SP3: variants seen among roughly 807,000 people sequenced by gnomAD.
The protein encoded by SP3 is Sp3 transcription factor.
In SP3, 10 loss-of-function variants were observed where a neutral mutation model predicts 70.3. The observed-to-expected ratio is 0.14, with a 90% CI of 0.09 to 0.24. SP3 has a LOEUF of 0.24. Ranked by LOEUF, SP3 falls within the 10% of genes least tolerant of loss-of-function variation. The probability of loss-of-function intolerance (pLI) is 1.00; values close to 1 mark genes in which losing one functional copy is unlikely to be tolerated. For synonymous variants in SP3, 402 were observed against 333.5 expected, an observed-to-expected ratio of 1.21 and a Z score of -2.24; for missense variants, 825 against 914.6, an observed-to-expected ratio of 0.90 and a Z score of 1.26.
rs1260156725 is a variant in SP3, at chr2:173,912,635, T to G, written c.2029+435A>C. The stretch of plus-strand genomic sequence containing the variant: ...TTGGTTATTCCTCAGTGAAATACCT[T>G]TCCCTTACCTCAGAGATACTAAAAA... On this transcript the variant is annotated intron_variant, in intron 6 of 6. Coordinates refer to ENST00000310015, the MANE Select transcript of SP3 (RefSeq NM_003111.5). Among the ~76,000 whole-genome samples the G allele has an allele frequency of 2.6e-5, 4 of 152,184 alleles. No individual in the cohort carries two copies. In the East Asian group the frequency reaches 7.7e-4, roughly 29 times the overall value.
At chr2:173,953,272 G>GA (rs1174848363) in intron 4 of SP3, among the ~76,000 whole-genome samples, 3 of 152,212 alleles carry the variant, frequency 2.0e-5, no homozygotes, top group African/African-American at 7.2e-5. Context: ...CACCACCACT[G>GA]AAAGTGTCAA....
Position 173,965,279 on chromosome 2 carries a change from GGA to G in SP3, c.-110_-109del. The stretch of plus-strand genomic sequence containing the variant: ...GCGGGAAGCGGCGGCGGACACGGCC[GGA>G]GCGGTCCGGGGATTTTTTTTTCCTA... On this transcript the variant is annotated 5_prime_UTR_variant, in exon 1 of 7. Coordinates refer to ENST00000310015, the MANE Select transcript of SP3 (RefSeq NM_003111.5). 7.7e-7 allele frequency: 1 copy of G among 1,301,116 alleles called. No individual in the cohort carries two copies. Among genetic ancestry groups the G allele is most frequent in the Non-Finnish European group, 1.1e-6 (1 of 928,624 alleles). The allele number at this position is 1,301,116 out of a possible 1,614,324, so 80.6% of individuals were successfully genotyped here.
At chr2:173,923,335 A>G (rs1689809363) in intron 4 of SP3, among the ~76,000 whole-genome samples, 1 of 152,078 alleles carries the variant, frequency 6.6e-6, no homozygotes, top group Non-Finnish European at 1.5e-5. Flanking sequence ...TTGAAGAGAA[A>G]AAAACAGAAA....
chr2:173,929,453 TCA>T (rs1227206556), intron 4 of SP3, among the ~76,000 whole-genome samples: 3 of 152,180 alleles, frequency 2.0e-5, no homozygotes, highest in Non-Finnish European at 4.4e-5. Context: ...CAGCCCCTCT[TCA>T]CAGAGACCTA....
intron 4 of SP3, among the ~76,000 whole-genome samples, chr2:173,920,143 T>C (rs889686759): frequency 5.3e-5 from 8 of 152,088 alleles, no homozygotes; most frequent in Admixed American, 4.6e-4. Flanking sequence ...GTGTATGATA[T>C]TTATATAAAG....
intron 4 of SP3, among the ~76,000 whole-genome samples, chr2:173,952,446 G>A (rs1055936586): frequency 2.0e-5 from 3 of 152,096 alleles, no homozygotes; most frequent in African/African-American, 7.2e-5. Flanking sequence ...GGTTGGTGGC[G>A]CTAGAGAGAA....
intron 4 of SP3, among the ~76,000 whole-genome samples, chr2:173,921,672 C>G (rs768299640): frequency 3.3e-5 from 5 of 152,210 alleles, no homozygotes; most frequent in Non-Finnish European, 7.3e-5. Context: ...GCCATGATCA[C>G]ATCACTGCCC....
At chr2:173,952,831 T>C (rs1690753057) in intron 4 of SP3, among the ~76,000 whole-genome samples, 1 of 152,174 alleles carries the variant, frequency 6.6e-6, no homozygotes, top group Admixed American at 6.5e-5. Flanking sequence ...ATTACACTGA[T>C]ACGAAATAAC....
At chr2:173,933,295 T>G (rs932729997) in intron 4 of SP3, among the ~76,000 whole-genome samples, 1 of 152,190 alleles carries the variant, frequency 6.6e-6, no homozygotes, top group East Asian at 1.9e-4. Context: ...TTGTATTTTA[T>G]TACACTTACA....
rs556940645 is a variant in SP3 at position 173,918,000 on chromosome 2, T to A, written c.1832+593A>T. 3.4e-3 allele frequency among the ~76,000 whole-genome samples: 508 copies of A among 151,214 alleles called. 1 individual carries two copies. The highest frequency in any genetic ancestry group is 5.5e-3 in the Non-Finnish European group (374 of 67,866). Reference sequence around the variant, plus strand: ...ATCAGTCTGGATCTTGTTTTTTTTTTTAAAAAAAATATGATCTGAGTCTCA... The same window carrying A: ...ATCAGTCTGGATCTTGTTTTTTTTTATAAAAAAAATATGATCTGAGTCTCA... On this transcript the variant is annotated intron_variant, in intron 5 of 6. Coordinates refer to ENST00000310015, the MANE Select transcript of SP3 (RefSeq NM_003111.5).
At chr2:173,954,640 TA>T (rs1360445992) in intron 4 of SP3, among the ~76,000 whole-genome samples, 1 of 152,164 alleles carries the variant, frequency 6.6e-6, no homozygotes, top group Non-Finnish European at 1.5e-5. Flanking sequence ...GAAAAAACTA[TA>T]AATGTTAATT....
chr2:173,947,947 A>G (rs907293483), intron 4 of SP3, among the ~76,000 whole-genome samples: 66 of 152,256 alleles, frequency 4.3e-4, no homozygotes, highest in African/African-American at 1.5e-3. Flanking sequence ...TGGTGGTCGT[A>G]AGACTGTGCT....
At chr2:173,920,265 T>C (rs1006127134) in intron 4 of SP3, among the ~76,000 whole-genome samples, 1 of 152,058 alleles carries the variant, frequency 6.6e-6, no homozygotes, top group African/African-American at 2.4e-5. Flanking sequence ...TTGCCAGGAA[T>C]TAAAGGGGAG....
At position 173,901,259 on chromosome 2, in the gene SP3, TTTC is replaced by T. The variant is rs149363788; in HGVS notation, c.*8679_*8681del. On this transcript the variant is annotated 3_prime_UTR_variant, in exon 7 of 7. Transcript: ENST00000310015. ...AATTTTTATGACAGTAGGTAAAGAA[TTTC>T]TTAAGACACAAAAGCCACAATTCAG... Among the ~76,000 whole-genome samples, 29,486 of 152,024 alleles carry T rather than the reference TTTC, an allele frequency of 0.19. 3,050 individuals are homozygous for T. Among genetic ancestry groups the T allele is most frequent in the Middle Eastern group, 0.27 (79 of 294 alleles).
At chr2:173,954,210 TATTA>T (rs1690805313) in intron 4 of SP3, among the ~76,000 whole-genome samples, 3 of 152,374 alleles carry the variant, frequency 2.0e-5, no homozygotes, top group Non-Finnish European at 1.5e-5. Context: ...TTTTAAACTT[TATTA>T]TTTAATTCTT....
chr2:173,964,238 G>A (rs1320350999), intron 2 of SP3, 167 bp downstream of exon 2: 1 of 500,534 alleles, frequency 2.0e-6, no homozygotes, highest in African/African-American at 2.1e-5. Flanking sequence ...CGCGGGCGGG[G>A]TCGGAGCGTT....
chr2:173,949,198 G>A (rs1056035486), intron 4 of SP3, among the ~76,000 whole-genome samples: 1 of 152,060 alleles, frequency 6.6e-6, no homozygotes, highest in Non-Finnish European at 1.5e-5. Context: ...AGCAGTATTT[G>A]TGCATTTCTA....
chr2:173,965,235 G>A lies in SP3; in HGVS notation c.-64C>T. 1.3e-6 allele frequency: 2 copies of A among 1,536,564 alleles called. No homozygotes were observed. The highest frequency in any genetic ancestry group is 1.8e-6 in the Non-Finnish European group (2 of 1,137,580). On this transcript the variant is annotated 5_prime_UTR_variant, in exon 1 of 7. Coordinates refer to ENST00000310015, the MANE Select transcript of SP3 (RefSeq NM_003111.5). ...CTTACACATGGTGAGGAGCGAAGGC[G>A]GCGGCGGCGGGAGAGGATGCGGGAA...
At position 173,913,107 on chromosome 2, in the gene SP3, T is replaced by C; in HGVS notation, c.1992A>G (p.Arg664=). Residue 664 remains arginine, a synonymous_variant, in exon 6 of 7, where the codon CGA becomes CGG. Coordinates refer to ENST00000310015, the MANE Select transcript of SP3 (RefSeq NM_003111.5). The part of the protein sequence containing the change: ...NWMYCGKRFT[R]SDELQRHRRT... ...TTCTGTGCCTCTGTAATTCATCACT[T>C]CGAGTAAATCTTTTACCACAGTACA... The C allele has an allele frequency of 6.2e-7, 1 of 1,611,290 alleles. No individual in the cohort carries two copies. The highest frequency in any genetic ancestry group is 1.1e-5 in the South Asian group (1 of 90,418).
Sources: gnomAD v4.1 joint callset for allele counts (sites outside exome capture counted in the v4.1 genomes callset) on GRCh38, gnomAD v4.1.1 for gene constraint, MANE v1.5 for transcripts, NCBI Gene and HGNC (gene_info 2026-07-23, HGNC 2026-07-21) for gene names.